ZNF33A: variants seen among roughly 807,000 people sequenced by gnomAD.
The protein encoded by ZNF33A is brain my041 protein.
Under a neutral mutation model 15.9 loss-of-function variants are expected in ZNF33A, and 9 were observed. The ratio of observed to expected loss-of-function variants is 0.57; its 90% CI spans 0.34 to 0.99. The LOEUF (loss-of-function observed/expected upper bound fraction) is 0.99, where lower values mean the gene tolerates loss of function less well. Among genes scored for constraint, ZNF33A ranks in the 50% least tolerant of loss-of-function variants. The pLI, the probability that ZNF33A is intolerant of heterozygous loss-of-function variation, is 0.02. For synonymous variants in ZNF33A, 294 were observed against 324.2 expected (o/e 0.91, Z 1.00); for missense variants, 843 against 941.6 (o/e 0.90, Z 1.37).
At chr10:38,016,401 G>C (rs2064454330) in intron 2 of ZNF33A, among the ~76,000 whole-genome samples, 2 of 152,282 alleles carry the variant, frequency 1.3e-5, no homozygotes, top group African/African-American at 4.8e-5. Context: ...TTTTGTTGAT[G>C]TCTGCAGTGT....
At chr10:38,044,208 C>CT (rs35770536) in intron 4 of ZNF33A, among the ~76,000 whole-genome samples, 11,198 of 135,936 alleles carry the variant, frequency 0.082, 523 homozygotes, top group Middle Eastern at 0.14. Flanking sequence ...TCTTTTCTTT[C>CT]TTTTTTTTTT....
intron 4 of ZNF33A, among the ~76,000 whole-genome samples, chr10:38,048,147 G>A (rs1032225328): frequency 1.3e-5 from 2 of 152,166 alleles, no homozygotes; most frequent in African/African-American, 4.8e-5. Context: ...CAGCAGACCT[G>A]CACCACAAGA....
chr10:38,030,043 G>A (rs1006055399), intron 4 of ZNF33A, among the ~76,000 whole-genome samples: 1 of 152,088 alleles, frequency 6.6e-6, no homozygotes, highest in African/African-American at 2.4e-5. Context: ...ACCCAGACAC[G>A]TTATACTGAA....
chr10:38,040,193 T>C (rs1286168066), intron 4 of ZNF33A, among the ~76,000 whole-genome samples: 2 of 152,100 alleles, frequency 1.3e-5, no homozygotes, highest in African/African-American at 2.4e-5. Flanking sequence ...TGATTTGTAA[T>C]TTCGACTGTG....
chr10:38,062,511 CTG>C (rs565851906), downstream of ZNF33A, among the ~76,000 whole-genome samples: 37 of 152,302 alleles, frequency 2.4e-4, no homozygotes, highest in African/African-American at 7.5e-4. Context: ...TCAGGGGAAA[CTG>C]TGAGACTATT....
At chr10:38,026,600 G>T (rs866431940) in intron 4 of ZNF33A, among the ~76,000 whole-genome samples, 2 of 152,208 alleles carry the variant, frequency 1.3e-5, no homozygotes, top group African/African-American at 4.8e-5. Flanking sequence ...AAAGTGCTGG[G>T]ATTACAGGCG....
intron 2 of ZNF33A, among the ~76,000 whole-genome samples, chr10:38,013,907 C>T (rs1241746201): frequency 6.6e-6 from 1 of 152,122 alleles, no homozygotes; most frequent in Non-Finnish European, 1.5e-5. Context: ...GTCCCCCTCA[C>T]AATCCTGACA....
chr10:38,042,389 C>G (rs2135700415), intron 4 of ZNF33A, among the ~76,000 whole-genome samples: 1 of 152,188 alleles, frequency 6.6e-6, no homozygotes, highest in Non-Finnish European at 1.5e-5. Flanking sequence ...GCCATGTTAA[C>G]CAGGCTGGTC....
intron 4 of ZNF33A, among the ~76,000 whole-genome samples, chr10:38,032,863 C>T (rs1345748535): frequency 6.6e-6 from 1 of 152,126 alleles, no homozygotes; most frequent in Non-Finnish European, 1.5e-5. Flanking sequence ...TCTCCTGCCT[C>T]AGCCTCCCGA....
At chr10:38,019,712 C>T (rs1221055355) in intron 4 of ZNF33A, among the ~76,000 whole-genome samples, 1 of 152,114 alleles carries the variant, frequency 6.6e-6, no homozygotes, top group Non-Finnish European at 1.5e-5. Context: ...GCTAGCAAAC[C>T]TACCTTTAAA....
intron 4 of ZNF33A, among the ~76,000 whole-genome samples, chr10:38,018,201 G>T (rs771429562): frequency 1.3e-5 from 2 of 152,214 alleles, no homozygotes; most frequent in Non-Finnish European, 2.9e-5. Context: ...GACTATGAAA[G>T]AAATTAAAGC....
intron 4 of ZNF33A, among the ~76,000 whole-genome samples, chr10:38,038,828 A>G (rs2065566548): frequency 6.6e-6 from 1 of 152,200 alleles, no homozygotes; most frequent in Non-Finnish European, 1.5e-5. Flanking sequence ...TTTTCTCTGT[A>G]TACTGAGATG....
rs1385991917 is a variant in ZNF33A, at chr10:38,055,769, G to C, written c.1645G>C (p.Gly549Arg). The change falls in exon 5 of 5, where the codon GGG (glycine) becomes CGG (arginine). Residue 549 changes from glycine to arginine, a missense_variant. By Grantham distance (125) the Gly-to-Arg change is moderately radical. Transcript: ENST00000432900. ...DLTVHQRTHT[G>R]QKPFACPECG... ...CACAGTACATCAGAGAACACACACAGGGCAGAAACCCTTTGCATGTCCCGA... is the reference window on the plus strand; with the variant it reads ...CACAGTACATCAGAGAACACACACACGGCAGAAACCCTTTGCATGTCCCGA... The C allele has an allele frequency of 1.3e-5, 21 of 1,582,344 alleles. No individual in the cohort carries two copies. Among genetic ancestry groups the C allele is most frequent in the South Asian group, 1.1e-4 (10 of 88,886 alleles).
chr10:38,046,055 C>T lies in ZNF33A; in HGVS notation c.251-8320C>T, dbSNP rs546992240. ...AATGACCTAGGTGGGCATTGTACTCCGCTATTCTCAGACTGCCATGACTGG... is the reference window on the plus strand; with the variant it reads ...AATGACCTAGGTGGGCATTGTACTCTGCTATTCTCAGACTGCCATGACTGG... On this transcript the variant is annotated intron_variant, in intron 4 of 4. Coordinates refer to ENST00000432900, the MANE Select transcript of ZNF33A (RefSeq NM_006954.2). Among the ~76,000 whole-genome samples the T allele has an allele frequency of 1.4e-4, 21 of 152,250 alleles. No homozygotes were observed. The South Asian group carries it at 3.1e-3, about 23-fold the overall frequency.
downstream of ZNF33A, chr10:38,064,592 A>G (rs1202281927): frequency 6.5e-6 from 1 of 153,376 alleles, no homozygotes; most frequent in East Asian, 1.9e-4. Context: ...TCTCCAGAGG[A>G]AAGGTCCCCG....
chr10:38,010,723 C>T lies in ZNF33A; in HGVS notation c.-105C>T. On this transcript the variant is annotated 5_prime_UTR_variant, in exon 1 of 5. Coordinates refer to ENST00000432900, the MANE Select transcript of ZNF33A (RefSeq NM_006954.2). Reference sequence around the variant, plus strand: ...TCTCAGGTTTTGCGTGGGAGGCGGTCCCGGGATTTCAAGGGTCTACGCGCT... The same window carrying T: ...TCTCAGGTTTTGCGTGGGAGGCGGTTCCGGGATTTCAAGGGTCTACGCGCT... 1 of 1,598,432 alleles carries T rather than the reference C, an allele frequency of 6.3e-7. No homozygotes were observed. Among genetic ancestry groups the T allele is most frequent in the Non-Finnish European group, 8.5e-7 (1 of 1,179,828 alleles).
intron 4 of ZNF33A, among the ~76,000 whole-genome samples, chr10:38,040,544 T>C (rs1454722380): frequency 4.6e-5 from 7 of 152,222 alleles, no homozygotes; most frequent in Non-Finnish European, 1.0e-4. Context: ...ATTGTTATAT[T>C]AATAAAATTC....
At position 38,055,026 on chromosome 10, in the gene ZNF33A, A is replaced by G. The variant is rs778116939; in HGVS notation, c.902A>G (p.Tyr301Cys). The G allele has an allele frequency of 9.9e-6, 16 of 1,614,112 alleles. No individual in the cohort carries two copies. The highest frequency in any genetic ancestry group is 3.3e-4 in the Middle Eastern group (2 of 6,062). Residue 301 changes from tyrosine to cysteine, a missense_variant, in exon 5 of 5, where the codon TAT becomes TGT. Tyr to Cys is a radical substitution (Grantham distance 194). Transcript: ENST00000432900. ...CCTCATGGGGTATCTATGAAACACT[A>G]TGATTGTGGTGAAAGTGGGAATAAT... ...SKPHGVSMKH[Y>C]DCGESGNNFR...
chr10:38,022,348 C>CT (rs1398446221), intron 4 of ZNF33A, among the ~76,000 whole-genome samples: 4 of 152,084 alleles, frequency 2.6e-5, no homozygotes, highest in Non-Finnish European at 4.4e-5. Flanking sequence ...TTGTCAACAA[C>CT]TTTATGTTTA....
Sources: gnomAD v4.1 joint callset for allele counts (sites outside exome capture counted in the v4.1 genomes callset) on GRCh38, gnomAD v4.1.1 for gene constraint, MANE v1.5 for transcripts, NCBI Gene and HGNC (gene_info 2026-07-23, HGNC 2026-07-21) for gene names.